The following EML1 variants were observed in gnomAD, a reference collection of about 807,000 sequenced individuals.
The protein encoded by EML1 is echinoderm microtubule-associated protein-like 1.
Under a neutral mutation model 110.4 loss-of-function variants are expected in EML1, and 27 were observed. That is an observed-to-expected ratio of 0.24 (90% CI 0.18 to 0.34). The LOEUF (loss-of-function observed/expected upper bound fraction) is 0.34. Ranked by LOEUF, EML1 falls within the 10% of genes least tolerant of loss-of-function variation. The pLI is 1.00. For synonymous variants in EML1, 344 were observed against 385.8 expected (o/e 0.89, Z 1.27); for missense variants, 741 against 1,030.9 (o/e 0.72, Z 3.85).
intron 1 of EML1, among the ~76,000 whole-genome samples, chr14:99,753,020 C>T (rs1337229552): frequency 1.3e-5 from 2 of 152,096 alleles, no homozygotes; most frequent in African/African-American, 4.8e-5. Flanking sequence ...CATCTATGGG[C>T]AAGTGGCTGC....
At chr14:99,747,343 G>A (rs891353232) in intron 1 of EML1, among the ~76,000 whole-genome samples, 2 of 152,152 alleles carry the variant, frequency 1.3e-5, no homozygotes, top group Non-Finnish European at 2.9e-5. Context: ...TCTGGCCCAG[G>A]AGAAAGGCAG....
upstream of EML1, among the ~76,000 whole-genome samples, chr14:99,791,619 T>C (rs779262620): frequency 8.5e-5 from 13 of 152,330 alleles, 1 homozygote; most frequent in Non-Finnish European, 1.6e-4. Context: ...TATGGTCCTA[T>C]AGCAACTTCC....
intron 15 of EML1, among the ~76,000 whole-genome samples, chr14:99,917,109 G>A (rs2060046902): frequency 6.6e-6 from 1 of 152,146 alleles, no homozygotes; most frequent in Admixed American, 6.5e-5. Context: ...TTGTCTTTCT[G>A]GAGCAATCAA....
At chr14:99,883,107 C>T (rs1468990218) in intron 4 of EML1, 2 of 152,268 alleles carry the variant, frequency 1.3e-5, no homozygotes, top group Non-Finnish European at 2.9e-5. Context: ...GCTCTGGGCC[C>T]TTCATCCACC....
intron 1 of EML1, among the ~76,000 whole-genome samples, chr14:99,797,615 G>A (rs1294901559): frequency 6.6e-6 from 1 of 152,336 alleles, no homozygotes; most frequent in Non-Finnish European, 1.5e-5. Context: ...AAGAGGGAAA[G>A]AAGTGGGAGC....
intron 1 of EML1, among the ~76,000 whole-genome samples, chr14:99,744,116 C>G (rs1327323851): frequency 2.0e-5 from 3 of 152,300 alleles, no homozygotes; most frequent in South Asian, 4.1e-4. Flanking sequence ...ATCAAAACAG[C>G]CTCTTTGGTT....
chr14:99,781,860 T>C lies in EML1; in HGVS notation c.-27+7847T>C, dbSNP rs1265693256. On this transcript the variant is annotated intron_variant, in intron 1 of 22. Coordinates refer to the EML1 transcript ENST00000327921. This position sits in a 1 kb window ranked among gnomAD's most constrained non-coding sequence, Gnocchi z 4.2. ...TCTCCATACCTCTCATCTCCCAGACTCCTTGAGGCTGGAGGTATGCTCCCC... is the reference window on the plus strand; with the variant it reads ...TCTCCATACCTCTCATCTCCCAGACCCCTTGAGGCTGGAGGTATGCTCCCC... Among the ~76,000 whole-genome samples the C allele has an allele frequency of 6.6e-6, 1 of 152,166 alleles. No individual in the cohort carries two copies. Among genetic ancestry groups the C allele is most frequent in the Non-Finnish European group, 1.5e-5 (1 of 68,032 alleles).
intron 1 of EML1, among the ~76,000 whole-genome samples, chr14:99,749,719 C>A (rs748089960): frequency 3.3e-5 from 5 of 152,214 alleles, no homozygotes; most frequent in African/African-American, 4.8e-5. Flanking sequence ...AGCTGACTTA[C>A]CAGCCCAGCC....
At chr14:99,917,885 C>T (rs1197077919) in intron 16 of EML1, 36 bp downstream of exon 16, 1 of 1,608,738 alleles carries the variant, frequency 6.2e-7, no homozygotes, top group Non-Finnish European at 8.5e-7. Flanking sequence ...GCTTGCAAAG[C>T]TTATGGAAAA....
At chr14:99,851,734 A>G (rs1325245671) in intron 2 of EML1, among the ~76,000 whole-genome samples, 1 of 152,032 alleles carries the variant, frequency 6.6e-6, no homozygotes, top group East Asian at 1.9e-4. Flanking sequence ...CTTTATATGC[A>G]CTTAGCTTAT....
chr14:99,737,840 A>G, exon 1 of EML1: 2 of 1,289,234 alleles, frequency 1.6e-6, no homozygotes, highest in Non-Finnish European at 2.0e-6. Flanking sequence ...ACCATGTCGG[A>G]CGGCGAGGGC....
intron 1 of EML1, among the ~76,000 whole-genome samples, chr14:99,800,792 T>C (rs1046260179): frequency 1.3e-5 from 2 of 152,234 alleles, no homozygotes; most frequent in African/African-American, 4.8e-5. Flanking sequence ...TAAAATGCAG[T>C]CATTTATTTA....
intron 2 of EML1, among the ~76,000 whole-genome samples, chr14:99,863,596 A>T (rs773797163): frequency 2.0e-5 from 3 of 152,226 alleles, no homozygotes; most frequent in Non-Finnish European, 4.4e-5. Flanking sequence ...TATAAATGCA[A>T]TCATACAACA....
chr14:99,871,712 G>T (rs1330059611), intron 3 of EML1, among the ~76,000 whole-genome samples: 2 of 152,168 alleles, frequency 1.3e-5, no homozygotes, highest in East Asian at 3.9e-4. Flanking sequence ...CTGAGGATAG[G>T]ACTGAGTTGC....
chr14:99,807,521 G>A (rs1043490662), intron 1 of EML1, among the ~76,000 whole-genome samples: 1 of 152,342 alleles, frequency 6.6e-6, no homozygotes, highest in Admixed American at 6.5e-5. Context: ...GACTGGTACA[G>A]CAGGCACAGT....
chr14:99,899,831 A>G (rs1377603682), intron 8 of EML1, among the ~76,000 whole-genome samples: 1 of 152,072 alleles, frequency 6.6e-6, no homozygotes, highest in African/African-American at 2.4e-5. Flanking sequence ...TTGAAATTGA[A>G]TCGGTACTTT....
chr14:99,886,003 G>A (rs1287020633), intron 4 of EML1: 2 of 398,594 alleles, frequency 5.0e-6, no homozygotes, highest in Non-Finnish European at 4.9e-6. Flanking sequence ...TGTCTATGAA[G>A]CAGTCGCTTT....
intron 13 of EML1, among the ~76,000 whole-genome samples, chr14:99,911,978 C>T (rs1452764338): frequency 6.6e-6 from 1 of 151,206 alleles, no homozygotes; most frequent in Non-Finnish European, 1.5e-5. Flanking sequence ...TTACTGCAAC[C>T]TCCCCCTCCT....
rs1388986622 is a variant in EML1 at position 99,825,178 on chromosome 14, G to A, written c.68-25675G>A. On this transcript the variant is annotated intron_variant, in intron 1 of 21. Coordinates refer to ENST00000262233, the MANE Select transcript of EML1 (RefSeq NM_004434.3). Reference sequence around the variant, plus strand: ...TTTGTATTGTTTTGTAGAGATGGGGGTCTTGCTATGTTGCCCAGGCCAGTC... The same window carrying A: ...TTTGTATTGTTTTGTAGAGATGGGGATCTTGCTATGTTGCCCAGGCCAGTC... Among the ~76,000 whole-genome samples the A allele has an allele frequency of 3.3e-5, 5 of 152,058 alleles. No homozygotes were observed. In the South Asian group the frequency reaches 8.3e-4, roughly 25 times the overall value.
Sources: allele counts gnomAD v4.1 joint callset (sites outside exome capture counted in the v4.1 genomes callset), GRCh38; gene constraint gnomAD v4.1.1; non-coding constraint Gnocchi (gnomAD v3.1); transcripts MANE v1.5; gene names NCBI Gene and HGNC (gene_info 2026-07-23, HGNC 2026-07-21).